The following B3GALT1 variants were observed in gnomAD, a reference collection of about 807,000 sequenced individuals.
The protein encoded by B3GALT1 is UDP-Gal:betaGlcNAc beta 1,3-galactosyltransferase, polypeptide 1.
B3GALT1 carries 10 observed loss-of-function variants against 23.2 expected under a neutral mutation model. That is an observed-to-expected ratio of 0.43 (90% confidence interval 0.27 to 0.73). B3GALT1 has a LOEUF of 0.73. Among genes scored for constraint, B3GALT1 ranks in the 30% least tolerant of loss-of-function variants. The pLI is 0.21. For synonymous variants in B3GALT1, 156 were observed against 141.5 expected (o/e 1.10, Z -0.73); for missense variants, 299 against 405.4 (o/e 0.74, Z 2.25).
intron 2 of B3GALT1, among the ~76,000 whole-genome samples, chr2:167,526,494 T>C (rs1028322038): frequency 1.6e-4 from 25 of 152,146 alleles, no homozygotes; most frequent in African/African-American, 6.0e-4. Flanking sequence ...TTAGACAAAC[T>C]CAGTAAATAG....
chr2:167,643,247 C>A (rs2105457224), intron 2 of B3GALT1, among the ~76,000 whole-genome samples: 1 of 152,288 alleles, frequency 6.6e-6, no homozygotes, highest in South Asian at 2.1e-4. Flanking sequence ...CCTTCTTTTA[C>A]TCTTTGTTGA....
At chr2:167,355,520 G>T (rs1284779081) in intron 1 of B3GALT1, among the ~76,000 whole-genome samples, 1 of 152,100 alleles carries the variant, frequency 6.6e-6, no homozygotes, top group Non-Finnish European at 1.5e-5. Context: ...TAGAAATACA[G>T]TCTTACTTTT....
chr2:167,706,658 T>A (rs753195033), intron 3 of B3GALT1, among the ~76,000 whole-genome samples: 2 of 152,172 alleles, frequency 1.3e-5, no homozygotes, highest in Non-Finnish European at 1.5e-5. Context: ...TGCATGTAGG[T>A]GGTAAGTGCA....
At chr2:167,706,671 G>A (rs1311154571) in intron 3 of B3GALT1, among the ~76,000 whole-genome samples, 2 of 152,204 alleles carry the variant, frequency 1.3e-5, no homozygotes, top group Non-Finnish European at 2.9e-5. Context: ...TAAGTGCAAA[G>A]CTTACTTTGA....
chr2:167,769,142 A>C (rs1688028293), intron 3 of B3GALT1, among the ~76,000 whole-genome samples: 1 of 152,160 alleles, frequency 6.6e-6, no homozygotes, highest in South Asian at 2.1e-4. Context: ...CCTGGTGCCC[A>C]GGGCCAAGCA....
At chr2:167,508,419 C>T (rs932316074) in intron 2 of B3GALT1, among the ~76,000 whole-genome samples, 5 of 151,756 alleles carry the variant, frequency 3.3e-5, no homozygotes, top group South Asian at 2.1e-4. Flanking sequence ...CCACCACTCC[C>T]GGCTAATTTT....
At chr2:167,736,038 A>G (rs1359310220) in intron 3 of B3GALT1, among the ~76,000 whole-genome samples, 13 of 152,188 alleles carry the variant, frequency 8.5e-5, no homozygotes, top group Admixed American at 8.5e-4. Context: ...CCTCTGTTTT[A>G]TTGATGAAAG....
chr2:167,812,271 A>T (rs549259414), intron 3 of B3GALT1, among the ~76,000 whole-genome samples: 1 of 152,332 alleles, frequency 6.6e-6, no homozygotes, highest in Admixed American at 6.5e-5. Flanking sequence ...GCAGAAGTAG[A>T]CTCAGTCAAT....
chr2:167,643,106 A>G (rs1574186316), intron 2 of B3GALT1, among the ~76,000 whole-genome samples: 1 of 152,184 alleles, frequency 6.6e-6, no homozygotes, highest in East Asian at 1.9e-4. Flanking sequence ...TTTTATGAAG[A>G]TAATTCTTCA....
chr2:167,601,317 G>A (rs1684874207), intron 2 of B3GALT1, among the ~76,000 whole-genome samples: 1 of 151,706 alleles, frequency 6.6e-6, no homozygotes, highest in African/African-American at 2.4e-5. Flanking sequence ...AAAGTGCTGG[G>A]ATTACAGGCA....
At chr2:167,867,172 C>T (rs1189497574) in intron 4 of B3GALT1, among the ~76,000 whole-genome samples, 8 of 152,244 alleles carry the variant, frequency 5.3e-5, no homozygotes, top group Non-Finnish European at 7.4e-5. Context: ...GTGATCCGCC[C>T]CCCTTGGCCT....
At chr2:167,465,139 G>A (rs940427206) in intron 1 of B3GALT1, among the ~76,000 whole-genome samples, 5 of 152,164 alleles carry the variant, frequency 3.3e-5, no homozygotes, top group African/African-American at 1.2e-4. Context: ...TTAAGCAAAA[G>A]GAAAATAGTT....
rs537754698 is a variant in B3GALT1, at chr2:167,429,350, A to G, written c.-510-60827A>G. Among the ~76,000 whole-genome samples the G allele has an allele frequency of 2.0e-5, 3 of 152,196 alleles. No homozygotes were observed. In the South Asian group the frequency reaches 6.2e-4, roughly 32 times the overall value. ...GGCGTATGGGAGCAGAAGCTTTTGG[A>G]AAGTAGAATAAAGCCAAGGTTAACA... On this transcript the variant is annotated intron_variant, in intron 1 of 4. Coordinates refer to ENST00000392690, the MANE Select transcript of B3GALT1 (RefSeq NM_020981.4).
At chr2:167,836,124 T>A (rs188287054) in intron 4 of B3GALT1, among the ~76,000 whole-genome samples, 2 of 152,214 alleles carry the variant, frequency 1.3e-5, no homozygotes, top group East Asian at 3.9e-4. Flanking sequence ...GCAGAGCACT[T>A]CTCCTCCTCC....
At chr2:167,825,566 G>T (rs1689204067) in intron 4 of B3GALT1, among the ~76,000 whole-genome samples, 1 of 151,420 alleles carries the variant, frequency 6.6e-6, no homozygotes, top group Admixed American at 6.6e-5. Context: ...ATTCCACGTT[G>T]TCAGACTCAG....
intron 3 of B3GALT1, among the ~76,000 whole-genome samples, chr2:167,695,752 T>C (rs1188947613): frequency 6.6e-6 from 1 of 152,156 alleles, no homozygotes; most frequent in Non-Finnish European, 1.5e-5. Flanking sequence ...TCTTAAATAA[T>C]AATCAACACA....
chr2:167,519,240 G>A (rs1919851), intron 2 of B3GALT1, among the ~76,000 whole-genome samples: 57,011 of 151,812 alleles, frequency 0.38, 11,849 homozygotes, highest in East Asian at 0.87. Context: ...GGAATTGGCG[G>A]GCATACTGAA....
At position 167,752,075 on chromosome 2, in the gene B3GALT1, C is replaced by CT. The variant is rs35922450; in HGVS notation, c.-351-66587dup. ...AGCTACTGAAAGTAGTATTGTCTAC[C>CT]TTTTTTTTTTGACACATAAAGAACT... On this transcript the variant is annotated intron_variant, in intron 3 of 4. Transcript: ENST00000392690. 2.9e-3 allele frequency among the ~76,000 whole-genome samples: 430 copies of CT among 148,392 alleles called. 1 individual carries two copies. Among genetic ancestry groups the CT allele is most frequent in the East Asian group, 9.2e-3 (47 of 5,094 alleles).
intron 2 of B3GALT1, among the ~76,000 whole-genome samples, chr2:167,634,935 A>G (rs947058917): frequency 3.9e-5 from 6 of 152,198 alleles, no homozygotes; most frequent in East Asian, 1.9e-4. Flanking sequence ...AGGAACATCA[A>G]TGCAAAAATC....
Sources: allele counts gnomAD v4.1 joint callset (sites outside exome capture counted in the v4.1 genomes callset), GRCh38; gene constraint gnomAD v4.1.1; transcripts MANE v1.5; gene names NCBI Gene and HGNC (gene_info 2026-07-23, HGNC 2026-07-21).